The following PIEZO1 variants were observed in gnomAD, a reference collection of about 807,000 sequenced individuals.
PIEZO1 encodes piezo-type mechanosensitive ion channel component 1.
In PIEZO1, 296 loss-of-function variants were observed where a neutral mutation model predicts 297.2. That is an observed-to-expected ratio of 1.00 (90% CI 0.91 to 1.10). The LOEUF (loss-of-function observed/expected upper bound fraction) is 1.10, where lower values mean the gene tolerates loss of function less well. Among genes scored for constraint, PIEZO1 ranks in the 50% least tolerant of loss-of-function variants. The pLI, the probability that PIEZO1 is intolerant of heterozygous loss-of-function variation, is 0.00. For synonymous variants in PIEZO1, 2,427 were observed against 1,507.5 expected (o/e 1.61, Z -14.13); for missense variants, 5,018 against 3,455.5 (o/e 1.45, Z -11.34).
intron 1 of PIEZO1, among the ~76,000 whole-genome samples, chr16:88,762,953 C>G (rs955198863): frequency 2.0e-5 from 3 of 152,228 alleles, no homozygotes; most frequent in African/African-American, 7.2e-5. Flanking sequence ...GAGCTCCAGG[C>G]TGCAGGACTA....
intron 12 of PIEZO1, among the ~76,000 whole-genome samples, 167 bp downstream of exon 12, chr16:88,735,981 C>T (rs1020966628): frequency 6.6e-6 from 1 of 152,212 alleles, no homozygotes; most frequent in Non-Finnish European, 1.5e-5. Flanking sequence ...AACAAACGCT[C>T]ACTGAGAAGC....
Position 88,733,723 on chromosome 16 carries a change from C to T in PIEZO1, c.2352G>A (p.Val784=), listed in dbSNP as rs1420263495. 12 of 1,546,614 alleles carry T rather than the reference C, an allele frequency of 7.8e-6. No homozygotes were observed. Among genetic ancestry groups the T allele is most frequent in the South Asian group, 2.4e-5 (2 of 83,600 alleles). Residue 784 remains valine (V), a synonymous_variant, in exon 18 of 51, where the codon GTG becomes GTA. Coordinates refer to ENST00000301015, the MANE Select transcript of PIEZO1 (RefSeq NM_001142864.4). The part of the protein sequence containing the change: ...VPEGAAKWGL[V]AERLLELAAG... ...CTGCCAGCTCCAGCAGCCGCTCAGC[C>T]ACCAGGCCCCACTTGGCTGCCCCTG...
intron 1 of PIEZO1, among the ~76,000 whole-genome samples, chr16:88,783,338 T>C (rs1329878115): frequency 6.6e-6 from 1 of 152,158 alleles, no homozygotes; most frequent in Non-Finnish European, 1.5e-5. Flanking sequence ...GCTGGAAAAA[T>C]ACCAGAAGAA....
intron 29 of PIEZO1, 135 bp downstream of exon 29, chr16:88,725,279 CAG>C (rs913835962): frequency 2.0e-5 from 14 of 699,114 alleles, no homozygotes; most frequent in East Asian, 2.9e-5. Context: ...GCCTGCCAGA[CAG>C]AGGGTGATCA....
At chr16:88,770,776 G>A (rs1265234900) in intron 1 of PIEZO1, among the ~76,000 whole-genome samples, 1 of 152,244 alleles carries the variant, frequency 6.6e-6, no homozygotes, top group East Asian at 1.9e-4. Context: ...TCCGGGCCAG[G>A]CGTCCTCCAC....
chr16:88,715,378 A>G lies in PIEZO1; in HGVS notation c.*227T>C. On this transcript the variant is annotated 3_prime_UTR_variant, in exon 51 of 51. Coordinates refer to ENST00000301015, the MANE Select transcript of PIEZO1 (RefSeq NM_001142864.4). ...GTATAAATAAAACATTTTTTAATTA[A>G]AAAAAAAACTCTACAGTACACGTGG... 1 of 1,155,802 alleles carries G rather than the reference A, an allele frequency of 8.7e-7. No homozygotes were observed. Among genetic ancestry groups the G allele is most frequent in the Non-Finnish European group, 1.2e-6 (1 of 834,846 alleles). The allele number at this position is 1,155,802 out of a possible 1,614,324, so 71.6% of individuals were successfully genotyped here. A position where few individuals can be genotyped will look rare whatever the true frequency, so the allele number is the denominator to read the frequency against.
intron 1 of PIEZO1, among the ~76,000 whole-genome samples, chr16:88,781,139 C>A (rs61459102): frequency 0.21 from 31,740 of 152,198 alleles, 3,463 homozygotes; most frequent in Middle Eastern, 0.33. Flanking sequence ...TGGGCTGCAG[C>A]GGGCAGATGA....
In PIEZO1 at chr16:88,726,232, C is replaced by A. The variant is rs755566106; in HGVS notation, c.3968+52G>T. 4 of 1,458,668 alleles carry A rather than the reference C, an allele frequency of 2.7e-6. No homozygotes were observed. In the African/African-American group the frequency reaches 4.2e-5, roughly 15 times the overall value. 90.4% of individuals were successfully genotyped at this position (1,458,668 alleles called of 1,614,324 possible). Reference sequence around the variant, plus strand: ...AGACAGTGAGGAACCTCCCATTGCCCCCTCCCAGCCCCAAGACGGGAGCTC... The same window carrying A: ...AGACAGTGAGGAACCTCCCATTGCCACCTCCCAGCCCCAAGACGGGAGCTC... On this transcript the variant is annotated intron_variant, in intron 27 of 50. Coordinates refer to ENST00000301015, the MANE Select transcript of PIEZO1 (RefSeq NM_001142864.4).
At chr16:88,773,329 G>A (rs1313648021) in intron 1 of PIEZO1, among the ~76,000 whole-genome samples, 1 of 152,284 alleles carries the variant, frequency 6.6e-6, no homozygotes, top group African/African-American at 2.4e-5. Flanking sequence ...CCGCAGAGGA[G>A]GTCTGCCCAC....
chr16:88,721,040 C>T, intron 39 of PIEZO1, 126 bp downstream of exon 39: 1 of 1,028,474 alleles, frequency 9.7e-7, no homozygotes, highest in South Asian at 1.7e-5. Context: ...TCAGAAGTGG[C>T]ACCTTCCTGG....
Position 88,738,245 on chromosome 16 carries a change from G to C in PIEZO1, c.830C>G (p.Pro277Arg). ...CCGTTACCTAGCCCAGATGCCGGCA[G>C]GCGGGAGCAGAGCCTGTGCCAAGGG... ...QMPLAQALLP[P>R]AGIWARVLGL... The change falls in exon 7 of 51, where the codon CCT becomes CGT. Residue 277 changes from proline (P) to arginine (R), a missense_variant. Pro to Arg is a moderately radical substitution (Grantham distance 103). Coordinates refer to ENST00000301015, the MANE Select transcript of PIEZO1 (RefSeq NM_001142864.4). 2 of 1,535,868 alleles carry C rather than the reference G, an allele frequency of 1.3e-6. No individual in the cohort carries two copies. Among genetic ancestry groups the C allele is most frequent in the South Asian group, 1.2e-5 (1 of 84,056 alleles).
At position 88,720,452 on chromosome 16, in the gene PIEZO1, T is replaced by C. The variant is rs1370537205; in HGVS notation, c.5882A>G (p.Tyr1961Cys). 3.9e-6 allele frequency: 6 copies of C among 1,550,286 alleles called. No individual in the cohort carries two copies. Among genetic ancestry groups the C allele is most frequent in the South Asian group, 2.4e-5 (2 of 84,048 alleles). ...AACATCAGCCAGGAACATGAGGGCA[T>C]AGACGTCGGTGGCTGCGCGGTACTT... ...HTKYRAATDV[Y>C]ALMFLADVVD... The change falls in exon 41 of 51, where the codon TAT (tyrosine) becomes TGT (cysteine). Residue 1961 changes from tyrosine to cysteine, a missense_variant. Transcript: ENST00000301015.
intron 1 of PIEZO1, among the ~76,000 whole-genome samples, chr16:88,766,344 G>C (rs1260798275): frequency 3.9e-5 from 6 of 152,208 alleles, no homozygotes; most frequent in Non-Finnish European, 8.8e-5. Context: ...GACTGCAACA[G>C]CGGCTCTTGA....
chr16:88,767,918 G>A (rs144103925), intron 1 of PIEZO1, among the ~76,000 whole-genome samples: 7 of 152,076 alleles, frequency 4.6e-5, no homozygotes, highest in African/African-American at 1.4e-4. Context: ...CAGACTTCCC[G>A]GGCTCCCTGA....
chr16:88,784,750 G>A (rs1908101035), intron 1 of PIEZO1, 151 bp downstream of exon 1: 1 of 486,682 alleles, frequency 2.1e-6, no homozygotes, highest in Non-Finnish European at 3.2e-6. Context: ...CATGCTTCAG[G>A]AATGCGGGCG....
rs1409761888 is a variant in PIEZO1, at chr16:88,726,900, C to T, written c.3514G>A (p.Val1172Met). 3.9e-6 allele frequency: 6 copies of T among 1,550,296 alleles called. No individual in the cohort carries two copies. In the East Asian group the frequency reaches 1.5e-4, roughly 38 times the overall value. ...GTGGCCCCCGTGACAAACACCACCA[C>T]CAGCACCAGCCAGAACAGGTATCGG... ...VFRYLFWLVL[V>M]VVFVTGATRI... The change falls in exon 25 of 51, where the codon GTG (valine) becomes ATG (methionine). Residue 1172 changes from valine to methionine, a missense_variant. By Grantham distance (21) the Val-to-Met change is conservative. Transcript: ENST00000301015.
At chr16:88,762,396 G>A (rs941410423) in intron 1 of PIEZO1, among the ~76,000 whole-genome samples, 2 of 152,170 alleles carry the variant, frequency 1.3e-5, no homozygotes, top group Non-Finnish European at 2.9e-5. Flanking sequence ...CCCTTGGATC[G>A]GCCCTGCCCA....
At chr16:88,770,669 G>A (rs1225522779) in intron 1 of PIEZO1, among the ~76,000 whole-genome samples, 1 of 152,202 alleles carries the variant, frequency 6.6e-6, no homozygotes, top group Non-Finnish European at 1.5e-5. Flanking sequence ...TCCACCACCT[G>A]GTGCCTTCAC....
At chr16:88,750,894 C>T (rs1288616294) in intron 1 of PIEZO1, among the ~76,000 whole-genome samples, 1 of 151,980 alleles carries the variant, frequency 6.6e-6, no homozygotes, top group Admixed American at 6.5e-5. Context: ...GCCTCAGGAC[C>T]CCGGTCAGGA....
Sources: allele counts gnomAD v4.1 joint callset (sites outside exome capture counted in the v4.1 genomes callset), GRCh38; gene constraint gnomAD v4.1.1; transcripts MANE v1.5; gene names NCBI Gene and HGNC (gene_info 2026-07-23, HGNC 2026-07-21).